TSC2: variants seen among roughly 807,000 people sequenced by gnomAD.
TSC2 encodes TSC complex subunit 2.
Under a neutral mutation model 202.2 loss-of-function variants are expected in TSC2, and 29 were observed. That is an observed-to-expected ratio of 0.14 (90% CI 0.11 to 0.20). TSC2 has a LOEUF of 0.20. Ranked by LOEUF, TSC2 falls within the 10% of genes least tolerant of loss-of-function variation. TSC2 has a pLI of 1.00. For missense variants in TSC2, 2,429 were observed against 2,420.0 expected, an observed-to-expected ratio of 1.00 and a Z score of -0.08; for synonymous variants, 1,349 against 1,044.0, an observed-to-expected ratio of 1.29 and a Z score of -5.63.
Position 2,061,893 on chromosome 16 carries a change from G to T in TSC2, c.1142G>T (p.Arg381Met), listed in dbSNP as rs45465395. ...QLQTLDSPEL[R>M]TIVHDLLTTV... ...CAGACCTTGGACAGCCCGGAGCTCA[G>T]GACCATCGTCCATGACCTGTTGACC... The change falls in exon 12 of 42, where the codon AGG (arginine) becomes ATG (methionine). Residue 381 changes from arginine (R) to methionine (M), a missense_variant. Transcript: ENST00000219476. 2 of 1,614,084 alleles carry T rather than the reference G, an allele frequency of 1.2e-6. No individual in the cohort carries two copies. The highest frequency in any genetic ancestry group is 2.7e-5 in the African/African-American group (2 of 74,938).
Position 2,088,882 on chromosome 16 carries a change from C to CGCACACAA in TSC2, c.*272_*273insGCACACAA. 4.6e-6 allele frequency: 1 copy of CGCACACAA among 215,770 alleles called. No homozygotes were observed. 13.4% of individuals were successfully genotyped at this position (215,770 alleles called of 1,614,324 possible). ...CAGCACACTCGCGCGTGCGCGCGCG[C>CGCACACAA]ACACACACACACACACAGTCACCTT... On this transcript the variant is annotated 3_prime_UTR_variant, in exon 42 of 42. Coordinates refer to ENST00000219476, the MANE Select transcript of TSC2 (RefSeq NM_000548.5).
intron 2 of TSC2, 135 bp from the exon 3 acceptor site, chr16:2,050,265 C>T (rs2084937691): frequency 8.7e-6 from 8 of 922,548 alleles, no homozygotes; most frequent in South Asian, 7.0e-5. Context: ...TCAAGTGAAT[C>T]TTGATTCCAG....
At chr16:2,060,087 T>C (rs1340480375) in intron 10 of TSC2, among the ~76,000 whole-genome samples, 1 of 152,184 alleles carries the variant, frequency 6.6e-6, no homozygotes, top group African/African-American at 2.4e-5. Flanking sequence ...TTTTGTCAAG[T>C]GCTGGTCTTG....
rs2151460683 is a variant in TSC2 at position 2,080,313 on chromosome 16, C to G, written c.3546C>G (p.Asn1182Lys). The change falls in exon 30 of 42, where the codon AAC (asparagine) becomes AAG (lysine). Residue 1182 changes from asparagine to lysine, a missense_variant. Asn to Lys is a moderately conservative substitution (Grantham distance 94, BLOSUM62 0). Transcript: ENST00000219476. The stretch of plus-strand genomic sequence containing the variant: ...GGGTTCCTGTGCAGGAGAAGACGAA[C>G]CTGGCGGCCTATGTGCCCCTGCTGA... ...GTRVPVQEKTNLAAYVPLLTQ... is the reference protein window; with the variant it reads ...GTRVPVQEKTKLAAYVPLLTQ... The G allele has an allele frequency of 6.2e-7, 1 of 1,612,880 alleles. No individual in the cohort carries two copies.
At chr16:2,081,927 A>G in intron 31 of TSC2, 129 bp downstream of exon 31, 2 of 1,285,888 alleles carry the variant, frequency 1.6e-6, no homozygotes, top group Non-Finnish European at 2.2e-6. Flanking sequence ...CTGCCTCAGC[A>G]CCATTGTTCT....
chr16:2,069,841 C>G (rs2087986531), intron 16 of TSC2, among the ~76,000 whole-genome samples: 1 of 151,904 alleles, frequency 6.6e-6, no homozygotes, highest in African/African-American at 2.4e-5. Context: ...TCTTGAACTC[C>G]TAACTTCGTG....
intron 12 of TSC2, 48 bp downstream of exon 12, chr16:2,062,056 G>T: frequency 6.2e-7 from 1 of 1,612,170 alleles, no homozygotes; most frequent in Non-Finnish European, 8.5e-7. Context: ...CTGGTGGGGA[G>T]GGGCCGGGTG....
At chr16:2,075,329 C>T (rs889182667) in intron 22 of TSC2, 5 of 179,754 alleles carry the variant, frequency 2.8e-5, no homozygotes, top group African/African-American at 1.2e-4. Flanking sequence ...AGATCGAGAC[C>T]ATCTGGCGAA....
chr16:2,076,615 G>A (rs771870184), intron 25 of TSC2, 30 bp downstream of exon 25: 8 of 1,609,472 alleles, frequency 5.0e-6, no homozygotes, highest in East Asian at 2.2e-5. Flanking sequence ...GCCTGGAGTC[G>A]GTGTGGGGTG....
chr16:2,083,889 T>A, intron 33 of TSC2, 73 bp downstream of exon 33: 3 of 1,549,002 alleles, frequency 1.9e-6, no homozygotes, highest in Non-Finnish European at 2.6e-6. Context: ...TCTGCGTGGG[T>A]GTGCCTGCAC....
At chr16:2,069,561 G>C (rs2087918924) in intron 16 of TSC2, among the ~76,000 whole-genome samples, 1 of 150,882 alleles carries the variant, frequency 6.6e-6, no homozygotes, top group Non-Finnish European at 1.5e-5. Context: ...CTCACTGCAA[G>C]CTCTGCCTCC....
intron 15 of TSC2, 128 bp downstream of exon 15, chr16:2,064,555 C>A: frequency 2.8e-6 from 4 of 1,444,594 alleles, no homozygotes; most frequent in African/African-American, 1.4e-5. Flanking sequence ...GGCTCCCCTC[C>A]CTGCAGGGTG....
chr16:2,054,104 C>T (rs190322203), intron 4 of TSC2, 192 bp from the exon 5 acceptor site: 352 of 814,956 alleles, frequency 4.3e-4, no homozygotes, highest in Admixed American at 6.2e-4. Flanking sequence ...CGCCGCTCTG[C>T]GGTCGGCCGG....
At chr16:2,058,153 G>T (rs1164626376) in intron 9 of TSC2, among the ~76,000 whole-genome samples, 3 of 118,652 alleles carry the variant, frequency 2.5e-5, no homozygotes, top group South Asian at 3.0e-4. Flanking sequence ...CCCTCCTCCC[G>T]TAGAACCAGG....
In TSC2 at chr16:2,050,490, G is replaced by A. The variant is rs201901739; in HGVS notation, c.225+4G>A. ...AAAAACCAAGAAATTTGAAGAGGTA[G>A]GTTTATCCAGTTGAGCTACTAGAGA... is the stretch of plus-strand genomic sequence containing the variant. On this transcript the variant is annotated splice_donor_region_variant and intron_variant, in intron 3 of 41. Transcript: ENST00000219476. 28 of 1,613,214 alleles carry A rather than the reference G, an allele frequency of 1.7e-5. No individual in the cohort carries two copies. The East Asian group carries it at 6.2e-4, about 36-fold the overall frequency.
At chr16:2,067,519 C>T (rs2087560893) in intron 16 of TSC2, among the ~76,000 whole-genome samples, 1 of 150,280 alleles carries the variant, frequency 6.7e-6, no homozygotes, top group South Asian at 2.1e-4. Context: ...GCCCGTAATC[C>T]CAGCACTTTG....
chr16:2,068,069 C>G (rs942133793), intron 16 of TSC2, among the ~76,000 whole-genome samples: 2 of 152,120 alleles, frequency 1.3e-5, no homozygotes, highest in Non-Finnish European at 2.9e-5. Context: ...TAGAGTCTCA[C>G]CACTATGTCA....
chr16:2,088,356 GTGCTGGC>G (rs1412981528), intron 41 of TSC2, 31 bp downstream of exon 41: 8 of 1,612,260 alleles, frequency 5.0e-6, no homozygotes, highest in Non-Finnish European at 5.9e-6. Flanking sequence ...TCAGCGGGGT[GTGCTGGC>G]TGCCCAAGCT....
rs377238278 is a variant in TSC2 at position 2,077,740 on chromosome 16, C to A, written c.2966+14C>A. On this transcript the variant is annotated intron_variant, in intron 26 of 41. Transcript: ENST00000219476. ...TGTGGTCCGCAGGTAGCGGGACTGT[C>A]GGGTGGGGGGCACGGACCCTGGAGC... is the stretch of plus-strand genomic sequence containing the variant. 3 of 1,611,322 alleles carry A rather than the reference C, an allele frequency of 1.9e-6. No individual in the cohort carries two copies. Among genetic ancestry groups the A allele is most frequent in the Non-Finnish European group, 2.5e-6 (3 of 1,179,990 alleles).
Sources: gnomAD v4.1 joint callset for allele counts (sites outside exome capture counted in the v4.1 genomes callset) on GRCh38, gnomAD v4.1.1 for gene constraint, MANE v1.5 for transcripts, NCBI Gene and HGNC (gene_info 2026-07-23, HGNC 2026-07-21) for gene names.